UPRT: variants seen among roughly 807,000 people sequenced by gnomAD.
UPRT encodes the protein uracil phosphoribosyltransferase homolog.
Under a neutral mutation model 22.6 loss-of-function variants are expected in UPRT, and 5 were observed. That is an observed-to-expected ratio of 0.22 (90% confidence interval 0.12 to 0.47). UPRT has a LOEUF of 0.47. Ranked by LOEUF, UPRT falls within the 20% of genes least tolerant of loss-of-function variation. The probability of loss-of-function intolerance (pLI) is 0.99; values close to 1 mark genes in which losing one functional copy is unlikely to be tolerated. For missense variants in UPRT, 181 were observed against 239.9 expected (o/e 0.75, Z 1.62); for synonymous variants, 77 against 87.7 (o/e 0.88, Z 0.68).
chrX:75,274,761 A>G, intron 1 of UPRT, 121 bp downstream of exon 1: 1 of 760,625 alleles, frequency 1.3e-6, no homozygotes, highest in Non-Finnish European at 1.8e-6. Flanking sequence ...AGATTGGGGT[A>G]AGACCTTTTA....
At position 75,296,380 on chromosome X, in the gene UPRT, A is replaced by T; in HGVS notation, c.468A>T (p.Pro156=). 2 of 1,210,888 alleles carry T rather than the reference A, an allele frequency of 1.7e-6. No homozygotes were observed. The highest frequency in any genetic ancestry group is 2.2e-6 in the Non-Finnish European group (2 of 894,928). ...LVVEEGLNQL[P]YKECMVTTPT... ...TGGAAGAGGGATTGAATCAGCTGCCATATAAAGAATGCATGGTGACCACTC... is the reference window on the plus strand; with the variant it reads ...TGGAAGAGGGATTGAATCAGCTGCCTTATAAAGAATGCATGGTGACCACTC... Residue 156 remains proline (P), a synonymous_variant, in exon 3 of 7, where the codon CCA becomes CCT. Transcript: ENST00000373383.
chrX:75,185,519 A>G (rs1461590322), intron 4 of UPRT, among the ~76,000 whole-genome samples: 8 of 111,892 alleles, frequency 7.1e-5, no homozygotes, highest in African/African-American at 2.6e-4. Context: ...TTGGTATCAG[A>G]ATGATGCTGG....
chrX:75,265,618 G>C lies in UPRT; in HGVS notation c.-446-25406G>C, dbSNP rs186150864. On this transcript the variant is annotated intron_variant, in intron 4 of 13. Coordinates refer to the UPRT transcript ENST00000652605. ...CAATGTTTTTAACTTCTTTGCCATG[G>C]GTTCAAACTTCCTCCTTTAGCCCGG... Among the ~76,000 whole-genome samples the C allele has an allele frequency of 3.6e-5, 4 of 111,242 alleles. No homozygotes were observed. In the East Asian group the frequency reaches 1.1e-3, roughly 31 times the overall value.
At chrX:75,252,771 A>G (rs1219226612) in intron 4 of UPRT, among the ~76,000 whole-genome samples, 1 of 112,426 alleles carries the variant, frequency 8.9e-6, no homozygotes, top group Non-Finnish European at 1.9e-5. Context: ...TATTCACAAT[A>G]GCAAAGACTT....
intron 4 of UPRT, chrX:75,202,719 C>G (rs896485892): frequency 3.6e-5 from 4 of 111,643 alleles, no homozygotes; most frequent in African/African-American, 1.3e-4. Flanking sequence ...ACTTTGGCAG[C>G]ACATATACTA....
At chrX:75,175,925 A>C (rs574633691) in intron 4 of UPRT, among the ~76,000 whole-genome samples, 1 of 111,009 alleles carries the variant, frequency 9.0e-6, no homozygotes, top group Admixed American at 9.6e-5. Context: ...CACGTTTAAT[A>C]ATGCCTCTAG....
rs761103384 is a variant in UPRT, at chrX:75,252,852, C to A, written c.-446-38172C>A. Among the ~76,000 whole-genome samples, 342 of 112,408 alleles carry A rather than the reference C, an allele frequency of 3.0e-3. 2 individuals carry two copies. Among genetic ancestry groups the A allele is most frequent in the South Asian group, 0.011 (29 of 2,703 alleles). On this transcript the variant is annotated intron_variant, in intron 4 of 13. Transcript: ENST00000652605. ...TGTGGCACATATACACCATGGAATACTATGCAGCCATAAAAAATGATGAGT... is the reference window on the plus strand; with the variant it reads ...TGTGGCACATATACACCATGGAATAATATGCAGCCATAAAAAATGATGAGT...
chrX:75,175,017 T>A, intron 4 of UPRT, among the ~76,000 whole-genome samples: 1 of 110,924 alleles, frequency 9.0e-6, no homozygotes, highest in Admixed American at 9.7e-5. Context: ...TCTCGTTCTC[T>A]GATGTTTTTC....
intron 4 of UPRT, among the ~76,000 whole-genome samples, chrX:75,205,483 T>C: frequency 1.8e-5 from 2 of 109,277 alleles, no homozygotes; most frequent in Non-Finnish European, 3.8e-5. Context: ...CTTCTGGAAC[T>C]CTTGTTAAGC....
At chrX:75,270,095 G>A (rs949722903), upstream of UPRT, among the ~76,000 whole-genome samples, 2 of 111,732 alleles carry the variant, frequency 1.8e-5, no homozygotes, top group Admixed American at 9.5e-5. Flanking sequence ...GTGGGTGAAG[G>A]ATATGAACAG....
intron 4 of UPRT, among the ~76,000 whole-genome samples, chrX:75,248,235 A>G: frequency 8.9e-6 from 1 of 112,142 alleles, no homozygotes; most frequent in Admixed American, 9.5e-5. Context: ...ACGAGAGAAG[A>G]AGGCTTCAGA....
intron 4 of UPRT, among the ~76,000 whole-genome samples, chrX:75,172,642 C>T (rs971182714): frequency 5.4e-5 from 6 of 111,358 alleles, no homozygotes; most frequent in African/African-American, 2.0e-4. Context: ...TGGAGTCTGT[C>T]CTTTTTGATG....
chrX:75,218,602 G>T (rs1265418452), intron 4 of UPRT, among the ~76,000 whole-genome samples: 2 of 96,761 alleles, frequency 2.1e-5, no homozygotes, highest in Non-Finnish European at 4.1e-5. Flanking sequence ...TGTTTATTGC[G>T]GCACTATTCA....
At chrX:75,183,861 G>T (rs1483787610) in intron 4 of UPRT, among the ~76,000 whole-genome samples, 1 of 112,059 alleles carries the variant, frequency 8.9e-6, no homozygotes, top group Non-Finnish European at 1.9e-5. Context: ...CCCACTTATT[G>T]ATGGGGTTGT....
At chrX:75,263,876 C>T (rs2147671872) in intron 4 of UPRT, among the ~76,000 whole-genome samples, 1 of 109,919 alleles carries the variant, frequency 9.1e-6, no homozygotes, top group South Asian at 4.1e-4. Context: ...TTTCCCTCTA[C>T]ACACTGCTTT....
chrX:75,232,641 C>T (rs1401807099), intron 4 of UPRT, among the ~76,000 whole-genome samples: 1 of 112,338 alleles, frequency 8.9e-6, no homozygotes, highest in African/African-American at 3.2e-5. Flanking sequence ...GATCCCCAAG[C>T]AGCCTAACTG....
intron 4 of UPRT, among the ~76,000 whole-genome samples, chrX:75,254,335 AC>A (rs1408054671): frequency 8.9e-6 from 1 of 112,220 alleles, no homozygotes; most frequent in Non-Finnish European, 1.9e-5. Context: ...TAAATAAAAA[AC>A]AATCAAAACT....
intron 4 of UPRT, among the ~76,000 whole-genome samples, chrX:75,187,787 T>C (rs1405657991): frequency 2.7e-5 from 3 of 112,263 alleles, no homozygotes; most frequent in Non-Finnish European, 5.6e-5. Context: ...CTTCCATTGC[T>C]GATACCCTTT....
intron 4 of UPRT, among the ~76,000 whole-genome samples, chrX:75,208,580 T>G (rs968751274): frequency 2.7e-5 from 3 of 111,549 alleles, no homozygotes; most frequent in Admixed American, 9.5e-5. Flanking sequence ...GCATATGGCT[T>G]GGGGACCACC....
Sources: gnomAD v4.1 joint callset for allele counts (sites outside exome capture counted in the v4.1 genomes callset) on GRCh38, gnomAD v4.1.1 for gene constraint, MANE v1.5 for transcripts, NCBI Gene and HGNC (gene_info 2026-07-23, HGNC 2026-07-21) for gene names.